The following SLX9 variants were observed in gnomAD, a reference collection of about 807,000 sequenced individuals.
SLX9 encodes ribosome biogenesis protein SLX9 homolog.
SLX9 carries 19 observed loss-of-function variants against 20.8 expected under a neutral mutation model. The observed-to-expected ratio is 0.91, with a 90% CI of 0.64 to 1.34. SLX9 has a LOEUF of 1.34. SLX9 is among the 40% of genes most tolerant of loss of function. The pLI is 0.00. For missense variants in SLX9, 299 were observed against 322.2 expected (o/e 0.93, Z 0.55); for synonymous variants, 113 against 137.1 (o/e 0.82, Z 1.23).
intron 2 of SLX9, among the ~76,000 whole-genome samples, chr21:44,959,798 C>T (rs1037464170): frequency 5.3e-5 from 8 of 152,208 alleles, no homozygotes; most frequent in African/African-American, 1.9e-4. Flanking sequence ...GACAGTCATT[C>T]GGGGCATGAG....
At chr21:44,949,880 G>A (rs1414612915) in intron 2 of SLX9, among the ~76,000 whole-genome samples, 3 of 152,162 alleles carry the variant, frequency 2.0e-5, no homozygotes, top group Admixed American at 1.3e-4. Flanking sequence ...AGGGACCTGC[G>A]GTGGAGGGCG....
At chr21:44,976,275 A>AGGCTCTCGGCTCTCGGCTCTC (rs59631583) in intron 5 of SLX9, among the ~76,000 whole-genome samples, 1 of 151,872 alleles carries the variant, frequency 6.6e-6, no homozygotes, top group African/African-American at 2.4e-5. Flanking sequence ...CTGCCGGCTC[A>AGGCTCTCGGCTCTCGGCTCTC]GGCTCTCGGC....
chr21:44,955,655 G>A (rs536279683), intron 2 of SLX9, among the ~76,000 whole-genome samples: 8 of 152,254 alleles, frequency 5.3e-5, no homozygotes, highest in East Asian at 1.9e-4. Flanking sequence ...GAGCAGCTGG[G>A]ACCACAGGCA....
At chr21:44,945,389 G>A (rs1432939198) in intron 2 of SLX9, among the ~76,000 whole-genome samples, 1 of 152,178 alleles carries the variant, frequency 6.6e-6, no homozygotes, top group African/African-American at 2.4e-5. Context: ...GGGAGTCGTG[G>A]GTCTCAGTGA....
At chr21:44,964,798 T>C (rs1007000268) in intron 3 of SLX9, among the ~76,000 whole-genome samples, 6 of 152,250 alleles carry the variant, frequency 3.9e-5, no homozygotes, top group African/African-American at 1.4e-4. Context: ...TTTCCTTGAT[T>C]TCTAATCCAG....
At chr21:44,955,741 A>G (rs548422197) in intron 2 of SLX9, among the ~76,000 whole-genome samples, 2 of 152,130 alleles carry the variant, frequency 1.3e-5, no homozygotes, top group South Asian at 4.1e-4. Context: ...GCTGCGTTCT[A>G]AGGCAGCCTT....
At chr21:44,964,050 A>G (rs981841601) in intron 3 of SLX9, among the ~76,000 whole-genome samples, 2 of 152,252 alleles carry the variant, frequency 1.3e-5, no homozygotes, top group African/African-American at 2.4e-5. Flanking sequence ...TGAACATAGT[A>G]TATCTCACCA....
At chr21:44,963,118 CTT>C (rs1225938152) in intron 3 of SLX9, among the ~76,000 whole-genome samples, 1 of 145,618 alleles carries the variant, frequency 6.9e-6, no homozygotes, top group Non-Finnish European at 1.5e-5. Context: ...GAGATAGAGT[CTT>C]GCTCTGTCGC....
chr21:44,971,253 T>G (rs987499205), intron 4 of SLX9, among the ~76,000 whole-genome samples: 1 of 152,036 alleles, frequency 6.6e-6, no homozygotes, highest in Middle Eastern at 3.4e-3. Context: ...CTGGGCGGAG[T>G]TAGGCTCCAA....
At chr21:44,950,092 C>T (rs1347264060) in intron 2 of SLX9, among the ~76,000 whole-genome samples, 2 of 148,988 alleles carry the variant, frequency 1.3e-5, no homozygotes, top group East Asian at 3.9e-4. Context: ...ACAGGGTTGT[C>T]TTCAGGGATT....
At chr21:44,976,550 GCCCCAGTACTCAGT>G (rs975312346) in intron 5 of SLX9, 116 bp from the exon 6 acceptor site, 12 of 1,380,710 alleles carry the variant, frequency 8.7e-6, no homozygotes, top group Non-Finnish European at 1.2e-5. Flanking sequence ...AGTTTCCGAG[GCCCCAGTACTCAGT>G]CCCGTGGTGG....
intron 2 of SLX9, among the ~76,000 whole-genome samples, chr21:44,949,586 G>A (rs960694025): frequency 3.9e-5 from 6 of 152,108 alleles, no homozygotes; most frequent in South Asian, 2.1e-4. Context: ...CTTAGACGCC[G>A]GGCACAGGGC....
chr21:44,969,112 A>G, intron 4 of SLX9: 2 of 461,352 alleles, frequency 4.3e-6, no homozygotes, highest in Non-Finnish European at 9.1e-6. Context: ...CTGGGCAGAA[A>G]GCAGGGGCTG....
rs151316068 is a variant in SLX9 at position 44,967,193 on chromosome 21, G to A, written c.500+12G>A. 3,752 of 1,561,018 alleles carry A rather than the reference G, an allele frequency of 2.4e-3. 66 individuals are homozygous for A. In the African/African-American group the frequency reaches 0.041, roughly 17 times the overall value. ...CGCCAAGCCCGCAGGTGAGTGTCCG[G>A]GAGGGGTGGCCCTTTCCGAGCTGTG... On this transcript the variant is annotated intron_variant, in intron 4 of 5. Transcript: ENST00000291634.
At chr21:44,968,151 G>T (rs971578616) in intron 4 of SLX9, among the ~76,000 whole-genome samples, 1 of 151,584 alleles carries the variant, frequency 6.6e-6, no homozygotes, top group Non-Finnish European at 1.5e-5. Flanking sequence ...TCCTCCTGAC[G>T]CACTGAGGTG....
chr21:44,963,932 T>C (rs2084989524), intron 3 of SLX9, among the ~76,000 whole-genome samples: 1 of 152,236 alleles, frequency 6.6e-6, no homozygotes, highest in South Asian at 2.1e-4. Flanking sequence ...AGCTTGTCTA[T>C]TTCTTTAAAA....
chr21:44,960,627 G>A (rs957326709), intron 3 of SLX9, among the ~76,000 whole-genome samples: 2 of 152,246 alleles, frequency 1.3e-5, no homozygotes, highest in African/African-American at 4.8e-5. Flanking sequence ...GGCCTTGCCC[G>A]CGGTGAAAAC....
intron 2 of SLX9, among the ~76,000 whole-genome samples, chr21:44,957,039 T>A (rs545498591): frequency 3.5e-4 from 53 of 152,364 alleles, no homozygotes; most frequent in Admixed American, 1.0e-3. Flanking sequence ...CGCGGCAGCG[T>A]CTCACCTTCC....
At chr21:44,959,609 G>A (rs2084918190) in intron 2 of SLX9, among the ~76,000 whole-genome samples, 1 of 152,232 alleles carries the variant, frequency 6.6e-6, no homozygotes, top group South Asian at 2.1e-4. Flanking sequence ...CAGGGATGAA[G>A]CCTCTGGTCA....
Sources: gnomAD v4.1 joint callset for allele counts (sites outside exome capture counted in the v4.1 genomes callset) on GRCh38, gnomAD v4.1.1 for gene constraint, MANE v1.5 for transcripts, NCBI Gene and HGNC (gene_info 2026-07-23, HGNC 2026-07-21) for gene names.